DMD: variants seen among roughly 807,000 people sequenced by gnomAD.
The protein encoded by DMD is dystrophin, also known as mutant dystrophin.
In DMD, 63 loss-of-function variants were observed where a neutral mutation model predicts 330.1. The observed-to-expected ratio is 0.19, with a 90% CI of 0.16 to 0.24. The LOEUF (loss-of-function observed/expected upper bound fraction) is 0.24. Ranked by LOEUF, DMD falls within the 10% of genes least tolerant of loss-of-function variation. DMD has a pLI of 1.00. For missense variants in DMD, 3,344 were observed against 2,684.1 expected (o/e 1.25, Z -5.43); for synonymous variants, 1,223 against 959.8 (o/e 1.27, Z -5.07).
intron 1 of DMD, among the ~76,000 whole-genome samples, chrX:33,164,118 T>A (rs933342057): frequency 2.7e-5 from 3 of 111,484 alleles, no homozygotes; most frequent in Admixed American, 9.6e-5. Context: ...CCAAGGCTGG[T>A]TCATGCCCAT....
intron 63 of DMD, among the ~76,000 whole-genome samples, chrX:31,239,871 G>A (rs2048080636): frequency 8.9e-6 from 1 of 111,806 alleles, no homozygotes; most frequent in African/African-American, 3.2e-5. Flanking sequence ...TTCTTTTAAA[G>A]AGTAGCAGCA....
At chrX:32,949,251 TAC>T (rs10587318) in intron 2 of DMD, among the ~76,000 whole-genome samples, 6,205 of 89,427 alleles carry the variant, frequency 0.069, 289 homozygotes, top group African/African-American at 0.14. Context: ...AATCGTTACA[TAC>T]ACACACACAC....
chrX:32,198,214 A>G (rs763160580), intron 44 of DMD, among the ~76,000 whole-genome samples: 1 of 112,102 alleles, frequency 8.9e-6, no homozygotes, highest in Non-Finnish European at 1.9e-5. Context: ...AAAATCAATA[A>G]AAGTGCCTAG....
intron 17 of DMD, among the ~76,000 whole-genome samples, chrX:32,523,647 G>A (rs1161311673): frequency 8.9e-6 from 1 of 111,789 alleles, no homozygotes; most frequent in Non-Finnish European, 1.9e-5. Flanking sequence ...CATAAAAACA[G>A]TTTTCCTTTG....
At chrX:32,426,971 A>C (rs1413368593) in intron 29 of DMD, among the ~76,000 whole-genome samples, 2 of 111,455 alleles carry the variant, frequency 1.8e-5, no homozygotes, top group African/African-American at 6.5e-5. Flanking sequence ...GAATGGGAGG[A>C]AGGGGAGGAT....
At chrX:32,860,626 A>C (rs1485353275) in intron 2 of DMD, among the ~76,000 whole-genome samples, 2 of 111,506 alleles carry the variant, frequency 1.8e-5, no homozygotes, top group Non-Finnish European at 3.8e-5. Context: ...GTATTGTATA[A>C]TAAAGCAGTA....
chrX:32,392,043 GA>G (rs915043771), intron 30 of DMD, among the ~76,000 whole-genome samples: 3 of 111,499 alleles, frequency 2.7e-5, no homozygotes, highest in African/African-American at 9.8e-5. Flanking sequence ...CAGAAAATTA[GA>G]ATTGACAGAA....
At chrX:32,658,773 A>G (rs1488433331) in intron 9 of DMD, among the ~76,000 whole-genome samples, 4 of 111,285 alleles carry the variant, frequency 3.6e-5, no homozygotes, top group African/African-American at 1.3e-4. Flanking sequence ...CAATGTCTCA[A>G]AGAAATCATG....
At chrX:32,796,769 A>T (rs2076210895) in intron 7 of DMD, among the ~76,000 whole-genome samples, 1 of 112,138 alleles carries the variant, frequency 8.9e-6, no homozygotes. Context: ...AAAGAGAATA[A>T]ATCTAAGAGG....
At chrX:33,077,538 C>T (rs1046905363) in intron 1 of DMD, among the ~76,000 whole-genome samples, 4 of 111,437 alleles carry the variant, frequency 3.6e-5, no homozygotes, top group Non-Finnish European at 5.6e-5. Context: ...GGAATGGGAA[C>T]GAACTCCAAG....
At chrX:32,556,797 C>T (rs903419498) in intron 16 of DMD, among the ~76,000 whole-genome samples, 1 of 111,528 alleles carries the variant, frequency 9.0e-6, no homozygotes, top group Non-Finnish European at 1.9e-5. Flanking sequence ...GCCTTTGTAA[C>T]TTTTTTGTTA....
chrX:32,491,614 C>A, intron 19 of DMD, 96 bp from the exon 20 acceptor site: 1 of 829,587 alleles, frequency 1.2e-6, no homozygotes, highest in Non-Finnish European at 1.7e-6. Context: ...AAGTATTCAC[C>A]ACATGAATGA....
In DMD at chrX:33,315,134, T is replaced by C. The variant is rs886983681; in HGVS notation, c.7+24125A>G. 1.3e-4 allele frequency among the ~76,000 whole-genome samples: 15 copies of C among 112,336 alleles called. No homozygotes were observed. In the Admixed American group the frequency reaches 1.4e-3, roughly 11 times the overall value. On this transcript the variant is annotated intron_variant, in intron 1 of 17. Transcript: ENST00000288447. Reference sequence around the variant, plus strand: ...GCACCTAGCCACCTTGAAGGATCTTTGTGTGTTTGTGCTTATTTTTAATTG... The same window carrying C: ...GCACCTAGCCACCTTGAAGGATCTTCGTGTGTTTGTGCTTATTTTTAATTG...
chrX:32,438,098 T>G (rs2098268335), intron 29 of DMD, 143 bp downstream of exon 29: 1 of 607,635 alleles, frequency 1.6e-6, no homozygotes, highest in Non-Finnish European at 2.6e-6. Flanking sequence ...GTAAAGAATT[T>G]ACCCAGTGTC....
At chrX:31,947,984 T>C (rs1175500550) in intron 45 of DMD, among the ~76,000 whole-genome samples, 1 of 111,148 alleles carries the variant, frequency 9.0e-6, no homozygotes, top group Non-Finnish European at 1.9e-5. Flanking sequence ...ATTTACATTA[T>C]ATAACTGAAA....
chrX:31,391,996 CT>C (rs1432329635), intron 60 of DMD, among the ~76,000 whole-genome samples: 7 of 102,393 alleles, frequency 6.8e-5, no homozygotes, highest in African/African-American at 2.4e-4. Context: ...TCCACTCTCC[CT>C]TTTTTCTCTA....
chrX:32,360,800 A>AAAATAAT (rs2097829882), intron 37 of DMD, among the ~76,000 whole-genome samples: 1 of 95,953 alleles, frequency 1.0e-5, no homozygotes, highest in African/African-American at 3.9e-5. Flanking sequence ...CACACACACA[A>AAAATAAT]AATAATAATA....
At chrX:32,730,327 A>C (rs543025445) in intron 7 of DMD, among the ~76,000 whole-genome samples, 67 of 112,296 alleles carry the variant, frequency 6.0e-4, no homozygotes, top group African/African-American at 2.1e-3. Context: ...GCCTGGGCAA[A>C]AGAGTAATAT....
chrX:33,330,830 C>T (rs1008450928), intron 1 of DMD, among the ~76,000 whole-genome samples: 2 of 111,293 alleles, frequency 1.8e-5, no homozygotes, highest in African/African-American at 6.6e-5. Context: ...TCTTTCTGTT[C>T]AGTTATCATT....
Sources: gnomAD v4.1 joint callset for allele counts (sites outside exome capture counted in the v4.1 genomes callset) on GRCh38, gnomAD v4.1.1 for gene constraint, MANE v1.5 for transcripts, NCBI Gene and HGNC (gene_info 2026-07-23, HGNC 2026-07-21) for gene names.